TRPC4: variants seen among roughly 807,000 people sequenced by gnomAD.
The protein encoded by TRPC4 is short transient receptor potential channel 4.
A neutral mutation model predicts 99.4 loss-of-function variants in TRPC4; 49 were observed. The ratio of observed to expected loss-of-function variants is 0.49; its 90% CI spans 0.39 to 0.63. The LOEUF (loss-of-function observed/expected upper bound fraction) is 0.63. TRPC4 is among the 20% of genes least tolerant of loss of function. The pLI, the probability that TRPC4 is intolerant of heterozygous loss-of-function variation, is 0.00. For synonymous variants in TRPC4, 454 were observed against 425.9 expected, an observed-to-expected ratio of 1.07 and a Z score of -0.81; for missense variants, 898 against 1,152.9, an observed-to-expected ratio of 0.78 and a Z score of 3.20.
At chr13:37,738,344 C>T (rs759636220) in intron 3 of TRPC4, among the ~76,000 whole-genome samples, 11 of 152,100 alleles carry the variant, frequency 7.2e-5, no homozygotes, top group Admixed American at 2.6e-4. Context: ...ATGCAAAGTG[C>T]TATGTTTAAA....
intron 6 of TRPC4, among the ~76,000 whole-genome samples, chr13:37,656,816 A>G (rs1247822838): frequency 1.3e-5 from 2 of 152,204 alleles, no homozygotes; most frequent in Non-Finnish European, 2.9e-5. Context: ...AGGATGAAGT[A>G]GCTGACTCAT....
chr13:37,669,249 G>A lies in TRPC4; in HGVS notation c.1374+4979C>T, dbSNP rs139581008. ...ATCTAATCATTTCTGCCAAACTGTT[G>A]AAGATAAATATGAGAAGTGTTACAT... On this transcript the variant is annotated intron_variant, in intron 5 of 10. Coordinates refer to ENST00000379705, the MANE Select transcript of TRPC4 (RefSeq NM_016179.4). Among the ~76,000 whole-genome samples the A allele has an allele frequency of 2.9e-3, 436 of 152,248 alleles. 1 individual carries two copies. Among genetic ancestry groups the A allele is most frequent in the African/African-American group, 9.8e-3 (406 of 41,564 alleles).
At chr13:37,721,965 C>CA (rs1381795822) in intron 3 of TRPC4, among the ~76,000 whole-genome samples, 2 of 151,706 alleles carry the variant, frequency 1.3e-5, no homozygotes, top group African/African-American at 4.8e-5. Flanking sequence ...TCCTCAGGCA[C>CA]AAAAAATCTT....
intron 3 of TRPC4, among the ~76,000 whole-genome samples, chr13:37,736,203 A>T (rs1955388898): frequency 6.6e-6 from 1 of 152,126 alleles, no homozygotes; most frequent in African/African-American, 2.4e-5. Context: ...GCAGGCACTG[A>T]AAGGTTTGGT....
chr13:37,739,410 T>C (rs1297874274), intron 3 of TRPC4, among the ~76,000 whole-genome samples: 1 of 152,156 alleles, frequency 6.6e-6, no homozygotes, highest in Non-Finnish European at 1.5e-5. Flanking sequence ...ATAAGGACTA[T>C]GGTGTTTTCT....
At chr13:37,728,145 T>C (rs1955124013) in intron 3 of TRPC4, among the ~76,000 whole-genome samples, 1 of 151,896 alleles carries the variant, frequency 6.6e-6, no homozygotes, top group Admixed American at 6.6e-5. Flanking sequence ...GCGAGGTGCC[T>C]GCTGTCACTG....
chr13:37,858,445 T>A (rs916469504), intron 1 of TRPC4, among the ~76,000 whole-genome samples: 4 of 149,030 alleles, frequency 2.7e-5, no homozygotes, highest in Middle Eastern at 3.5e-3. Flanking sequence ...AAATAAAACG[T>A]ATCAGTATAT....
At chr13:37,698,316 C>A (rs1366133594) in intron 3 of TRPC4, among the ~76,000 whole-genome samples, 4 of 150,988 alleles carry the variant, frequency 2.6e-5, no homozygotes, top group African/African-American at 9.8e-5. Context: ...TGCCCGCCAC[C>A]ACACCCAACT....
chr13:37,647,811 A>G (rs1951897029), intron 8 of TRPC4, among the ~76,000 whole-genome samples: 2 of 152,346 alleles, frequency 1.3e-5, no homozygotes, highest in South Asian at 4.1e-4. Flanking sequence ...CACATAATAA[A>G]CTATCAGGAG....
intron 1 of TRPC4, among the ~76,000 whole-genome samples, chr13:37,823,786 A>C (rs1195706453): frequency 2.2e-5 from 3 of 136,516 alleles, no homozygotes; most frequent in Non-Finnish European, 4.8e-5. Flanking sequence ...ACTTTAAAGT[A>C]GTTTTTTTCC....
At chr13:37,753,364 C>G (rs1400523537) in intron 2 of TRPC4, among the ~76,000 whole-genome samples, 1 of 151,804 alleles carries the variant, frequency 6.6e-6, no homozygotes, top group Non-Finnish European at 1.5e-5. Flanking sequence ...AGAATTTAGC[C>G]AGGAGAATAA....
chr13:37,684,317 C>G (rs182174123), intron 4 of TRPC4, among the ~76,000 whole-genome samples: 1 of 151,958 alleles, frequency 6.6e-6, no homozygotes. Context: ...ATTATTTTAA[C>G]ATTTTGAGAA....
At chr13:37,860,339 A>G (rs1959230345) in intron 1 of TRPC4, among the ~76,000 whole-genome samples, 1 of 151,392 alleles carries the variant, frequency 6.6e-6, no homozygotes, top group Middle Eastern at 3.4e-3. Context: ...ACTCAAACCC[A>G]CCACGAATCA....
chr13:37,839,988 A>G (rs1157202294), intron 1 of TRPC4, among the ~76,000 whole-genome samples: 3 of 152,140 alleles, frequency 2.0e-5, no homozygotes, highest in African/African-American at 7.2e-5. Flanking sequence ...TGGATCATCA[A>G]TAATTAATTT....
chr13:37,784,911 T>G (rs1170343750), intron 1 of TRPC4, among the ~76,000 whole-genome samples: 1 of 152,104 alleles, frequency 6.6e-6, no homozygotes, highest in Non-Finnish European at 1.5e-5. Flanking sequence ...AAACTATTAT[T>G]TCACAACTGG....
At chr13:37,739,395 A>G (rs1955508906) in intron 3 of TRPC4, among the ~76,000 whole-genome samples, 1 of 152,146 alleles carries the variant, frequency 6.6e-6, no homozygotes, top group Non-Finnish European at 1.5e-5. Context: ...ATGACGGGGA[A>G]CACCATAAGG....
chr13:37,868,721 C>T (rs1959945768), intron 1 of TRPC4, among the ~76,000 whole-genome samples: 1 of 151,932 alleles, frequency 6.6e-6, no homozygotes, highest in Non-Finnish European at 1.5e-5. Context: ...CAACTTGCTG[C>T]ATTTTATAGC....
In TRPC4 at chr13:37,804,568, T is replaced by C. The variant is rs565197470; in HGVS notation, c.-27-21208A>G. Among the ~76,000 whole-genome samples, 5 of 152,272 alleles carry C rather than the reference T, an allele frequency of 3.3e-5. No individual in the cohort carries two copies. The South Asian group carries it at 8.3e-4, about 25-fold the overall frequency. On this transcript the variant is annotated intron_variant, in intron 1 of 10. Coordinates refer to ENST00000379705, the MANE Select transcript of TRPC4 (RefSeq NM_016179.4). Reference sequence around the variant, plus strand: ...CTACAAAGGTTTTTATTGTATTTTATAGATTGGAAAGTATTATTTTCATGT... The same window carrying C: ...CTACAAAGGTTTTTATTGTATTTTACAGATTGGAAAGTATTATTTTCATGT...
At chr13:37,760,909 T>A (rs1956206027) in intron 2 of TRPC4, among the ~76,000 whole-genome samples, 1 of 151,966 alleles carries the variant, frequency 6.6e-6, no homozygotes, top group Admixed American at 6.6e-5. Context: ...AATATTCATT[T>A]GAAATTGCAC....
Sources: allele counts gnomAD v4.1 joint callset (sites outside exome capture counted in the v4.1 genomes callset), GRCh38; gene constraint gnomAD v4.1.1; transcripts MANE v1.5; gene names NCBI Gene and HGNC (gene_info 2026-07-23, HGNC 2026-07-21).